ANK3: variants seen among roughly 807,000 people sequenced by gnomAD.
ANK3 encodes the protein ankyrin 3.
ANK3 carries 57 observed loss-of-function variants against 370.9 expected under a neutral mutation model. That is an observed-to-expected ratio of 0.15 (90% CI 0.12 to 0.19). The LOEUF (loss-of-function observed/expected upper bound fraction) is 0.19. ANK3 is among the 10% of genes least tolerant of loss of function. ANK3 has a pLI of 1.00. For synonymous variants in ANK3, 1,929 were observed against 1,946.3 expected (o/e 0.99, Z 0.23); for missense variants, 4,439 against 5,302.1 (o/e 0.84, Z 5.06).
chr10:60,278,764 G>T lies in ANK3; in HGVS notation c.414+10C>A. 6.2e-7 allele frequency: 1 copy of T among 1,607,878 alleles called. No homozygotes were observed. The highest frequency in any genetic ancestry group is 1.3e-5 in the African/African-American group (1 of 74,908). On this transcript the variant is annotated intron_variant, in intron 4 of 43. Coordinates refer to ENST00000280772, the MANE Select transcript of ANK3 (RefSeq NM_020987.5). ...AACAAAATGTCTGTGGCATGGAGTT[G>T]TAGGCTTACCTGAGATTGTGCATTG... is the stretch of plus-strand genomic sequence containing the variant.
At chr10:60,394,671 A>G (rs2063180115), upstream of ANK3, among the ~76,000 whole-genome samples, 1 of 152,128 alleles carries the variant, frequency 6.6e-6, no homozygotes, top group South Asian at 2.1e-4. Context: ...CCCCACAACC[A>G]TATCTGTGGT....
chr10:60,415,184 AT>A (rs965527388), intron 2 of ANK3, among the ~76,000 whole-genome samples: 3 of 152,126 alleles, frequency 2.0e-5, no homozygotes, highest in Admixed American at 6.5e-5. Context: ...GCTGTGGGGC[AT>A]GGGGTAGAAA....
Position 60,075,696 on chromosome 10 carries a change from A to T in ANK3, c.5185T>A (p.Ser1729Thr), listed in dbSNP as rs2083634646. 1.2e-6 allele frequency: 2 copies of T among 1,614,102 alleles called. No homozygotes were observed. Among genetic ancestry groups the T allele is most frequent in the Non-Finnish European group, 1.7e-6 (2 of 1,179,988 alleles). ...SISPLKYPSSSTLINGCKATA... is the reference protein window; with the variant it reads ...SISPLKYPSSTTLINGCKATA... ...GCTTTGCATCCATTAATTAAAGTTG[A>T]GGATGATGGATATTTTAGAGGGGAA... The change falls in exon 37 of 44, where the codon TCA becomes ACA. Residue 1729 changes from serine to threonine, a missense_variant. Ser to Thr is a moderately conservative substitution (Grantham distance 58). Coordinates refer to ENST00000280772, the MANE Select transcript of ANK3 (RefSeq NM_020987.5).
intron 25 of ANK3, among the ~76,000 whole-genome samples, chr10:60,131,582 C>G (rs1235747540): frequency 6.6e-6 from 1 of 152,148 alleles, no homozygotes; most frequent in Non-Finnish European, 1.5e-5. Flanking sequence ...TCTTCTATTT[C>G]TGTTCACAAA....
At chr10:60,513,407 T>A (rs1293434428) in intron 2 of ANK3, among the ~76,000 whole-genome samples, 1 of 152,070 alleles carries the variant, frequency 6.6e-6, no homozygotes, top group Non-Finnish European at 1.5e-5. Context: ...TTACTATCCA[T>A]GGGGGTTCAG....
chr10:60,223,470 G>A (rs2097094319), intron 8 of ANK3, among the ~76,000 whole-genome samples: 1 of 152,104 alleles, frequency 6.6e-6, no homozygotes, highest in South Asian at 2.1e-4. Flanking sequence ...GTTTATCTCT[G>A]AGGACAAGAT....
chr10:60,328,252 T>C (rs1376737415), intron 1 of ANK3, among the ~76,000 whole-genome samples: 1 of 152,184 alleles, frequency 6.6e-6, no homozygotes, highest in Non-Finnish European at 1.5e-5. Context: ...CTTCAATCTC[T>C]CTTATTGAAT....
rs748546318 is a variant in ANK3, at chr10:60,196,531, C to T, written c.1784G>A (p.Gly595Glu). 1.9e-6 allele frequency: 3 copies of T among 1,610,238 alleles called. No individual in the cohort carries two copies. The highest frequency in any genetic ancestry group is 2.5e-6 in the Non-Finnish European group (3 of 1,177,840). Residue 595 changes from glycine (G) to glutamate (E), a missense_variant, in exon 15 of 44, where the codon GGG (glycine) becomes GAG (glutamate). Coordinates refer to ENST00000280772, the MANE Select transcript of ANK3 (RefSeq NM_020987.5). ...LQKSASPDAA[G>E]KSGLTPLHVA... ...GGGTGGCTGGTGACCTCTTACCTTC[C>T]CAGCAGCATCTGGAGATGCACTTTT... is the stretch of plus-strand genomic sequence containing the variant.
At chr10:60,107,884 A>G (rs921330337) in intron 27 of ANK3, among the ~76,000 whole-genome samples, 3 of 152,254 alleles carry the variant, frequency 2.0e-5, no homozygotes, top group Non-Finnish European at 4.4e-5. Flanking sequence ...AAAAAGTATC[A>G]TATTCAGAAG....
chr10:60,696,609 A>G (rs1011863959), intron 1 of ANK3, among the ~76,000 whole-genome samples: 8 of 148,966 alleles, frequency 5.4e-5, no homozygotes. Flanking sequence ...TACGCAAATC[A>G]ATAAATGTAA....
intron 40 of ANK3, 116 bp from the exon 41 acceptor site, chr10:60,059,546 T>C (rs1589385162): frequency 2.4e-6 from 3 of 1,254,180 alleles, no homozygotes; most frequent in East Asian, 2.3e-5. Context: ...TGTCCTCAAA[T>C]AGAGATTTGA....
At chr10:60,644,589 A>C (rs1045536695) in intron 1 of ANK3, among the ~76,000 whole-genome samples, 3 of 152,096 alleles carry the variant, frequency 2.0e-5, no homozygotes, top group Admixed American at 1.3e-4. Flanking sequence ...CCATCACAAC[A>C]GGATTCTTAA....
In ANK3 at chr10:60,222,498, T is replaced by G. The variant is rs370218077; in HGVS notation, c.898-8988A>C. 1.2e-3 allele frequency among the ~76,000 whole-genome samples: 190 copies of G among 152,150 alleles called. 3 individuals carry two copies. In the South Asian group the frequency reaches 0.039, roughly 31 times the overall value. On this transcript the variant is annotated intron_variant, in intron 8 of 43. Coordinates refer to ENST00000280772, the MANE Select transcript of ANK3 (RefSeq NM_020987.5). ...TCCACTTTTTGGTTAAAAAAATAAA[T>G]TTTGAACTCATTTCTTTGGCTTTGA...
rs72822241 is a variant in ANK3, at chr10:60,296,258, C to T, written c.115-16619G>A. 5.3e-3 allele frequency among the ~76,000 whole-genome samples: 808 copies of T among 152,284 alleles called. 4 individuals carry two copies. The highest frequency in any genetic ancestry group is 0.01 in the South Asian group (49 of 4,826). Reference sequence around the variant, plus strand: ...ACACTTCCCCAGTGGATGACACTGTCCATAGGATGTCCACTTAAGGTCCTT... The same window carrying T: ...ACACTTCCCCAGTGGATGACACTGTTCATAGGATGTCCACTTAAGGTCCTT... On this transcript the variant is annotated intron_variant, in intron 1 of 43. Coordinates refer to ENST00000280772, the MANE Select transcript of ANK3 (RefSeq NM_020987.5).
intron 2 of ANK3, among the ~76,000 whole-genome samples, chr10:60,505,165 T>C (rs1423692656): frequency 2.0e-5 from 3 of 152,136 alleles, no homozygotes; most frequent in African/African-American, 7.2e-5. Flanking sequence ...TATTAAATCA[T>C]TGTCTCCACT....
intron 2 of ANK3, among the ~76,000 whole-genome samples, chr10:60,592,370 C>A (rs1595331504): frequency 6.6e-6 from 1 of 152,188 alleles, no homozygotes; most frequent in East Asian, 1.9e-4. Context: ...ACAAAGATTA[C>A]CATCCTTGAG....
In ANK3 at chr10:60,266,561, A is replaced by C. The variant is rs149110412; in HGVS notation, c.514-2541T>G. ...AACCAAACAAAATGGCTACATTTCC[A>C]CTGATGAGAATTTTAAAATTCACAG... is the stretch of plus-strand genomic sequence containing the variant. On this transcript the variant is annotated intron_variant, in intron 5 of 43. Coordinates refer to ENST00000280772, the MANE Select transcript of ANK3 (RefSeq NM_020987.5). Among the ~76,000 whole-genome samples the C allele has an allele frequency of 9.9e-4, 151 of 152,316 alleles. 6 individuals carry two copies. The East Asian group carries it at 0.027, about 27-fold the overall frequency.
chr10:60,376,432 A>T (rs2060784970), intron 1 of ANK3, among the ~76,000 whole-genome samples: 1 of 151,910 alleles, frequency 6.6e-6, no homozygotes, highest in East Asian at 1.9e-4. Flanking sequence ...TGTCTATCAG[A>T]TGCCAAATGG....
At chr10:60,242,904 C>T (rs531894037) in intron 7 of ANK3, among the ~76,000 whole-genome samples, 2 of 152,178 alleles carry the variant, frequency 1.3e-5, no homozygotes, top group South Asian at 4.2e-4. Flanking sequence ...ATGAAAATAC[C>T]TTGCCAAAGG....
Sources: allele counts gnomAD v4.1 joint callset (sites outside exome capture counted in the v4.1 genomes callset), GRCh38; gene constraint gnomAD v4.1.1; transcripts MANE v1.5; gene names NCBI Gene and HGNC (gene_info 2026-07-23, HGNC 2026-07-21).